PRDM1: variants seen among roughly 807,000 people sequenced by gnomAD.
The protein encoded by PRDM1 is PR domain zinc finger protein 1.
PRDM1 carries 13 observed loss-of-function variants against 62.8 expected under a neutral mutation model. The ratio of observed to expected loss-of-function variants is 0.21; its 90% CI spans 0.13 to 0.33. The LOEUF (loss-of-function observed/expected upper bound fraction) is 0.33. Among genes scored for constraint, PRDM1 ranks in the 10% least tolerant of loss-of-function variants. PRDM1 has a pLI of 1.00. For synonymous variants in PRDM1, 396 were observed against 417.6 expected, an observed-to-expected ratio of 0.95 and a Z score of 0.63; for missense variants, 895 against 1,058.8, an observed-to-expected ratio of 0.85 and a Z score of 2.15.
chr6:106,023,390 C>A (rs1236577528), intron 1 of PRDM1, among the ~76,000 whole-genome samples: 1 of 151,946 alleles, frequency 6.6e-6, no homozygotes, highest in African/African-American at 2.4e-5. Context: ...AGGAGAATGG[C>A]GTGAACCCAG....
intron 1 of PRDM1, among the ~76,000 whole-genome samples, chr6:106,079,347 A>C (rs1773656619): frequency 6.6e-6 from 1 of 152,224 alleles, no homozygotes; most frequent in Non-Finnish European, 1.5e-5. Flanking sequence ...GGTATAATGC[A>C]CCCAGTACCC....
At position 106,086,534 on chromosome 6, in the gene PRDM1, A is replaced by T; in HGVS notation, c.-20A>T. The T allele has an allele frequency of 6.4e-7, 1 of 1,551,300 alleles. No individual in the cohort carries two copies. Among genetic ancestry groups the T allele is most frequent in the South Asian group, 1.2e-5 (1 of 84,016 alleles). ...CGGGGAGAATGTGGACTGGGTAGAG[A>T]TGAACGAGACTTTTCTCAGATGTTG... On this transcript the variant is annotated 5_prime_UTR_variant, in exon 1 of 7. The change abolishes an upstream ATG in the 5' untranslated region. Coordinates refer to ENST00000369096, the MANE Select transcript of PRDM1 (RefSeq NM_001198.4).
intron 4 of PRDM1, among the ~76,000 whole-genome samples, chr6:106,101,484 G>A (rs569391392): frequency 6.6e-6 from 1 of 152,302 alleles, no homozygotes; most frequent in East Asian, 1.9e-4. Context: ...TATTTATGCA[G>A]TATGTCCCCT....
chr6:106,068,765 G>C (rs2114599076), intron 1 of PRDM1, among the ~76,000 whole-genome samples: 1 of 152,256 alleles, frequency 6.6e-6, no homozygotes, highest in African/African-American at 2.4e-5. Flanking sequence ...AAGAAAAGAG[G>C]ACATACAGGC....
intron 1 of PRDM1, among the ~76,000 whole-genome samples, chr6:106,073,789 C>T (rs1323895730): frequency 6.6e-6 from 1 of 152,206 alleles, no homozygotes; most frequent in Non-Finnish European, 1.5e-5. Context: ...ATGCAGGTCC[C>T]ACATCCTCAT....
chr6:106,061,459 G>A (rs780146338), intron 1 of PRDM1, among the ~76,000 whole-genome samples: 1 of 152,234 alleles, frequency 6.6e-6, no homozygotes, highest in Non-Finnish European at 1.5e-5. Flanking sequence ...TTACATGCCT[G>A]CCAGGATGTC....
rs558747640 is a variant in PRDM1 at position 105,994,093 on chromosome 6, C to T, written c.-67+454C>T. The stretch of plus-strand genomic sequence containing the variant: ...TTCCTGGACAGTCACTCAAAAGCTG[C>T]GCCCAAAGTTTTAAAAAGCGCGGGG... On this transcript the variant is annotated intron_variant, in intron 1 of 6. Coordinates refer to the PRDM1 transcript ENST00000652320. This position sits in a 1 kb window ranked among gnomAD's most constrained non-coding sequence, Gnocchi z 4.1. 6.6e-6 allele frequency among the ~76,000 whole-genome samples: 1 copy of T among 152,186 alleles called. No individual in the cohort carries two copies. The highest frequency in any genetic ancestry group is 2.4e-5 in the African/African-American group (1 of 41,452).
At chr6:106,039,341 A>T (rs780120624) in intron 1 of PRDM1, among the ~76,000 whole-genome samples, 2 of 152,152 alleles carry the variant, frequency 1.3e-5, no homozygotes, top group Non-Finnish European at 2.9e-5. Context: ...AGAGTATAAA[A>T]CTATATTTGG....
At chr6:106,095,991 G>A in intron 3 of PRDM1, 1 of 371,864 alleles carries the variant, frequency 2.7e-6, no homozygotes, top group South Asian at 4.8e-5. Context: ...GCTTTGTAAT[G>A]AAAGGAAACA....
intron 1 of PRDM1, among the ~76,000 whole-genome samples, chr6:106,064,188 C>T (rs1395702104): frequency 6.6e-6 from 1 of 152,158 alleles, no homozygotes; most frequent in East Asian, 1.9e-4. Flanking sequence ...TGACTGTTTC[C>T]TCTGCAAAGG....
intron 1 of PRDM1, among the ~76,000 whole-genome samples, chr6:106,009,071 T>TTCG (rs1772514130): frequency 6.6e-6 from 1 of 152,166 alleles, no homozygotes; most frequent in Non-Finnish European, 1.5e-5. Flanking sequence ...TGTCTACCCT[T>TTCG]TCGCTCACGC....
chr6:105,993,879 G>A (rs1772315386), intron 1 of PRDM1, among the ~76,000 whole-genome samples: 1 of 152,162 alleles, frequency 6.6e-6, no homozygotes, highest in Non-Finnish European at 1.5e-5. Context: ...AAGGGACGTT[G>A]GATTGATCAT....
intron 1 of PRDM1, among the ~76,000 whole-genome samples, chr6:106,066,636 G>A (rs1773438307): frequency 6.6e-6 from 1 of 152,026 alleles, no homozygotes; most frequent in South Asian, 2.1e-4. Context: ...AATTATAAAA[G>A]TAATATTCAT....
At chr6:106,103,280 C>T (rs532856021) in intron 4 of PRDM1, among the ~76,000 whole-genome samples, 3 of 152,230 alleles carry the variant, frequency 2.0e-5, no homozygotes, top group Non-Finnish European at 4.4e-5. Flanking sequence ...GCCAGTCAGC[C>T]TAGAGAATAC....
chr6:106,064,843 G>A (rs1728536134), intron 1 of PRDM1, among the ~76,000 whole-genome samples: 1 of 152,138 alleles, frequency 6.6e-6, no homozygotes, highest in Non-Finnish European at 1.5e-5. Context: ...ATTCTGGAGG[G>A]GTTTTCAGCC....
At chr6:105,993,618 A>G (rs1359475215) in exon 1 of PRDM1, among the ~76,000 whole-genome samples, 1 of 152,234 alleles carries the variant, frequency 6.6e-6, no homozygotes, top group Non-Finnish European at 1.5e-5. Flanking sequence ...TAGGACTGCA[A>G]TGAGGAGGGT....
At chr6:106,086,308 T>C (rs1018658571), upstream of PRDM1, 4 of 437,746 alleles carry the variant, frequency 9.1e-6, no homozygotes, top group African/African-American at 6.1e-5. Flanking sequence ...TAAGGAAATC[T>C]TAAGCAGGGA....
intron 3 of PRDM1, chr6:106,098,895 C>A: frequency 6.6e-7 from 1 of 1,510,718 alleles, no homozygotes. Context: ...GGTCTTCTAC[C>A]CAGTGACTCA....
intron 1 of PRDM1, 177 bp from the exon 2 acceptor site, chr6:106,088,024 C>G (rs1286202538): frequency 1.4e-5 from 4 of 291,436 alleles, no homozygotes; most frequent in Non-Finnish European, 2.2e-5. Context: ...ATTTAAAAAC[C>G]TTGCTTCTTT....
Sources: gnomAD v4.1 joint callset for allele counts (sites outside exome capture counted in the v4.1 genomes callset) on GRCh38, gnomAD v4.1.1 for gene constraint, Gnocchi (gnomAD v3.1) non-coding constraint, MANE v1.5 for transcripts, NCBI Gene and HGNC (gene_info 2026-07-23, HGNC 2026-07-21) for gene names.